Variants in NME9 observed in about 807,000 individuals in gnomAD.
NME9 encodes the protein NME/NM23 family member 9.
In NME9, 48 loss-of-function variants were observed where a neutral mutation model predicts 44.4. The ratio of observed to expected loss-of-function variants is 1.08; its 90% confidence interval spans 0.86 to 1.37. The LOEUF (loss-of-function observed/expected upper bound fraction) is 1.37. Among genes scored for constraint, NME9 ranks in the 40% most tolerant of loss-of-function variants. The pLI is 0.00. For missense variants in NME9, 325 were observed against 405.2 expected, an observed-to-expected ratio of 0.80 and a Z score of 1.70; for synonymous variants, 139 against 147.1, an observed-to-expected ratio of 0.94 and a Z score of 0.40.
intron 10 of NME9, among the ~76,000 whole-genome samples, chr3:138,302,424 AC>A (rs1240569240): frequency 2.6e-5 from 4 of 151,440 alleles, no homozygotes; most frequent in African/African-American, 7.3e-5. Flanking sequence ...TCCAATCACC[AC>A]CCCCCATTCC....
chr3:138,306,215 T>A, intron 7 of NME9, 119 bp from the exon 8 acceptor site: 1 of 838,064 alleles, frequency 1.2e-6, no homozygotes, highest in Non-Finnish European at 2.0e-6. Context: ...GTGGAGACAC[T>A]GATCCCCACA....
rs150700403 is a variant in NME9 at position 138,329,445 on chromosome 3, G to GC, written c.-111dup. On this transcript the variant is annotated 5_prime_UTR_variant, in exon 1 of 11. Coordinates refer to ENST00000333911, the MANE Select transcript of NME9 (RefSeq NM_001349018.2). ...CAAGCCCAGAGCCTCCTTCAGACAAGCCCCCCTCCTACGGCCCCCGGCCCC... is the reference window on the plus strand; with the variant it reads ...CAAGCCCAGAGCCTCCTTCAGACAAGCCCCCCCTCCTACGGCCCCCGGCCCC... 1.4e-3 allele frequency: 2,059 copies of GC among 1,514,036 alleles called. 20 individuals are homozygous for GC. In the African/African-American group the frequency reaches 0.024, roughly 18 times the overall value. The allele number at this position is 1,514,036 out of a possible 1,614,324, so 93.8% of individuals were successfully genotyped here.
chr3:138,302,285 C>T (rs1034130464), intron 10 of NME9, among the ~76,000 whole-genome samples: 1 of 152,208 alleles, frequency 6.6e-6, no homozygotes, highest in Non-Finnish European at 1.5e-5. Flanking sequence ...ATGTGGTCTG[C>T]AGATAGCCCC....
At chr3:138,329,181 A>T in intron 1 of NME9, 122 bp downstream of exon 1, 1 of 867,122 alleles carries the variant, frequency 1.2e-6, no homozygotes, top group Non-Finnish European at 1.8e-6. Context: ...CTCAAGTTTG[A>T]GAACACTGTC....
exon 9 of NME9, chr3:138,262,580 G>C: frequency 6.2e-7 from 1 of 1,608,804 alleles, no homozygotes; most frequent in Non-Finnish European, 8.5e-7. Context: ...CTGTGTACTG[G>C]ACTCACCTGA....
intron 8 of NME9, among the ~76,000 whole-genome samples, chr3:138,280,234 C>T (rs951426282): frequency 6.6e-6 from 1 of 151,726 alleles, no homozygotes; most frequent in African/African-American, 2.4e-5. Flanking sequence ...TCAGTCTGAC[C>T]AGAGGTTTAG....
intron 8 of NME9, among the ~76,000 whole-genome samples, chr3:138,267,464 T>A (rs1473600483): frequency 6.6e-6 from 1 of 152,222 alleles, no homozygotes; most frequent in Non-Finnish European, 1.5e-5. Context: ...TTCAGCTTAT[T>A]TAAAAGATAT....
rs757283050 is a variant in NME9, at chr3:138,306,100, T to G, written c.544-4A>C. The stretch of plus-strand genomic sequence containing the variant: ...TTTCAAACCCAGCTTCCTGAATCTG[T>G]AGAATATATATAAATATTCTAAAAG... On this transcript the variant is annotated splice_region_variant and splice_polypyrimidine_tract_variant and intron_variant, in intron 7 of 10. Transcript: ENST00000333911. 1 of 1,576,840 alleles carries G rather than the reference T, an allele frequency of 6.3e-7. No homozygotes were observed. The highest frequency in any genetic ancestry group is 1.1e-5 in the South Asian group (1 of 90,252).
chr3:138,280,811 A>G (rs925698634), intron 8 of NME9, among the ~76,000 whole-genome samples: 1 of 151,550 alleles, frequency 6.6e-6, no homozygotes, highest in Non-Finnish European at 1.5e-5. Context: ...TATTTTTAAT[A>G]GAGATGGGGT....
chr3:138,262,530 T>G, exon 9 of NME9: 1 of 1,612,678 alleles, frequency 6.2e-7, no homozygotes, highest in Non-Finnish European at 8.5e-7. Context: ...GACTTCTGAA[T>G]CCTCTCATTT....
intron 8 of NME9, among the ~76,000 whole-genome samples, chr3:138,268,446 G>C (rs184451077): frequency 6.6e-6 from 1 of 152,118 alleles, no homozygotes; most frequent in Non-Finnish European, 1.5e-5. Context: ...GTGTACCACC[G>C]TTAATCATCC....
chr3:138,303,001 T>G (rs1245222442), intron 10 of NME9, among the ~76,000 whole-genome samples: 1 of 152,234 alleles, frequency 6.6e-6, no homozygotes, highest in Non-Finnish European at 1.5e-5. Context: ...GTCCGAATGC[T>G]TCCCATGAAG....
chr3:138,319,973 A>G (rs1198358333), intron 2 of NME9, among the ~76,000 whole-genome samples: 2 of 152,128 alleles, frequency 1.3e-5, no homozygotes, highest in East Asian at 1.9e-4. Context: ...GCAGCACACA[A>G]TTGACTTTTA....
At chr3:138,306,363 G>A (rs573624089) in intron 7 of NME9, 35 bp downstream of exon 7, 1 of 1,458,466 alleles carries the variant, frequency 6.9e-7, no homozygotes, top group Non-Finnish European at 9.6e-7. Flanking sequence ...GAGGACACAA[G>A]GACAGTGGTG....
At chr3:138,271,426 A>T (rs962680134) in intron 8 of NME9, among the ~76,000 whole-genome samples, 1 of 152,196 alleles carries the variant, frequency 6.6e-6, no homozygotes, top group Non-Finnish European at 1.5e-5. Context: ...ACATATCCAG[A>T]TGTAACTGTT....
chr3:138,318,263 G>A (rs2053227408), intron 3 of NME9, 44 bp from the exon 4 acceptor site: 1 of 1,286,632 alleles, frequency 7.8e-7, no homozygotes, highest in Middle Eastern at 1.8e-4. Flanking sequence ...TGCAGGGGGT[G>A]CAGGGCCCAA....
At chr3:138,300,931 G>T (rs1447079600), downstream of NME9, 5 of 348,544 alleles carry the variant, frequency 1.4e-5, no homozygotes, top group Non-Finnish European at 1.6e-5. Context: ...AGTGTGCCTG[G>T]AAGTGTCATA....
intron 1 of NME9, 46 bp from the exon 2 acceptor site, chr3:138,324,976 A>C: frequency 6.8e-7 from 1 of 1,475,268 alleles, no homozygotes; most frequent in Non-Finnish European, 9.5e-7. Context: ...GGGCTCAGGC[A>C]GGGAAACAAT....
At chr3:138,306,311 A>G (rs923295900) in intron 7 of NME9, 87 bp downstream of exon 7, 2 of 1,027,344 alleles carry the variant, frequency 1.9e-6, no homozygotes, top group Non-Finnish European at 3.1e-6. Flanking sequence ...TTCTGCACTA[A>G]GATATCACTG....
Sources: gnomAD v4.1 joint callset for allele counts (sites outside exome capture counted in the v4.1 genomes callset) on GRCh38, gnomAD v4.1.1 for gene constraint, MANE v1.5 for transcripts, NCBI Gene and HGNC (gene_info 2026-07-23, HGNC 2026-07-21) for gene names.